ADCY1: variants seen among roughly 807,000 people sequenced by gnomAD.
ADCY1 encodes adenylate cyclase type 1.
A neutral mutation model predicts 105.4 loss-of-function variants in ADCY1; 28 were observed. That is an observed-to-expected ratio of 0.27 (90% CI 0.20 to 0.36). The LOEUF (loss-of-function observed/expected upper bound fraction) is 0.36. ADCY1 is among the 10% of genes least tolerant of loss of function. ADCY1 has a pLI of 1.00. For missense variants in ADCY1, 977 were observed against 1,434.2 expected (o/e 0.68, Z 5.15); for synonymous variants, 655 against 623.8 (o/e 1.05, Z -0.75).
Position 45,704,660 on chromosome 7 carries a change from C to T in ADCY1, c.2817+44C>T, listed in dbSNP as rs775465057. On this transcript the variant is annotated intron_variant, in intron 17 of 19. Coordinates refer to ENST00000297323, the MANE Select transcript of ADCY1 (RefSeq NM_021116.4). ...TGCCTGCTTGGGGACTGGGTCCAAG[C>T]TCTGCCCTAAACTGCTCTGGGACCC... 1.7e-5 allele frequency: 26 copies of T among 1,543,910 alleles called. No individual in the cohort carries two copies. The South Asian group carries it at 2.4e-4, about 14-fold the overall frequency.
chr7:45,662,252 C>G (rs1471214389), intron 8 of ADCY1, 38 bp downstream of exon 8: 2 of 1,594,110 alleles, frequency 1.3e-6, no homozygotes, highest in Admixed American at 3.4e-5. Context: ...CTGGAGCTGC[C>G]AGGGACTGAT....
chr7:45,609,052 G>T (rs550788511), intron 2 of ADCY1, among the ~76,000 whole-genome samples: 1 of 152,340 alleles, frequency 6.6e-6, no homozygotes, highest in African/African-American at 2.4e-5. Context: ...TGCCAAATTT[G>T]TTCTCCCATT....
At chr7:45,640,278 T>C (rs1201853871) in intron 4 of ADCY1, among the ~76,000 whole-genome samples, 1 of 152,130 alleles carries the variant, frequency 6.6e-6, no homozygotes, top group Non-Finnish European at 1.5e-5. Context: ...GCAAGGAGAA[T>C]TGAGCAGCTC....
At chr7:45,614,133 G>A (rs1793667310) in intron 3 of ADCY1, among the ~76,000 whole-genome samples, 1 of 152,146 alleles carries the variant, frequency 6.6e-6, no homozygotes, top group Non-Finnish European at 1.5e-5. Context: ...TACTGTAATT[G>A]TAGTGCATAA....
At position 45,574,611 on chromosome 7, in the gene ADCY1, G is replaced by A. The variant is rs1792267112; in HGVS notation, c.68G>A (p.Arg23Gln). Residue 23 changes from arginine to glutamine, a missense_variant, in exon 1 of 20, where the codon CGG (arginine) becomes CAG (glutamine). This residue lies in a region of ADCY1 where 209 missense variants were observed against 222.5 expected (regional missense o/e 0.94). Coordinates refer to ENST00000297323, the MANE Select transcript of ADCY1 (RefSeq NM_021116.4). This position sits in a 1 kb window ranked among gnomAD's most constrained non-coding sequence, Gnocchi z 7.0. ...GGAGEPGGAE[R>Q]AAGTSRRRGL... ...GCGGGCGAGCCCGGGGGCGCCGAGCGGGCGGCCGGGACAAGCCGCCGGCGC... is the reference window on the plus strand; with the variant it reads ...GCGGGCGAGCCCGGGGGCGCCGAGCAGGCGGCCGGGACAAGCCGCCGGCGC... 1.7e-6 allele frequency: 2 copies of A among 1,151,654 alleles called. No individual in the cohort carries two copies. Among genetic ancestry groups the A allele is most frequent in the African/African-American group, 1.6e-5 (1 of 60,984 alleles). The allele number at this position is 1,151,654 out of a possible 1,614,324, so 71.3% of individuals were successfully genotyped here.
rs1217875676 is a variant in ADCY1, at chr7:45,647,349, G to A, written c.1021-1321G>A. On this transcript the variant is annotated intron_variant, in intron 4 of 19. Coordinates refer to ENST00000297323, the MANE Select transcript of ADCY1 (RefSeq NM_021116.4). The surrounding 1 kb of genome is among the most constrained non-coding windows in gnomAD (Gnocchi z 4.6). ...TTCTCTAAGAATGTGGGGCACAGAT[G>A]AGCACAGGGGTCATGAGAGCTGATG... 6.6e-6 allele frequency among the ~76,000 whole-genome samples: 1 copy of A among 152,234 alleles called. No individual in the cohort carries two copies. Among genetic ancestry groups the A allele is most frequent in the Non-Finnish European group, 1.5e-5 (1 of 68,044 alleles).
In ADCY1 at chr7:45,652,610, T is replaced by C. The variant is rs371153236; in HGVS notation, c.1148+3813T>C. Reference sequence around the variant, plus strand: ...ATTTTCCTTTTCTGATCTGTAAACCTAGGCCTCCCACGCCTAGCATCTAGT... The same window carrying C: ...ATTTTCCTTTTCTGATCTGTAAACCCAGGCCTCCCACGCCTAGCATCTAGT... On this transcript the variant is annotated intron_variant, in intron 5 of 19. Coordinates refer to ENST00000297323, the MANE Select transcript of ADCY1 (RefSeq NM_021116.4). Among the ~76,000 whole-genome samples, 8 of 152,238 alleles carry C rather than the reference T, an allele frequency of 5.3e-5. No homozygotes were observed. In the East Asian group the frequency reaches 5.8e-4, roughly 11 times the overall value.
intron 4 of ADCY1, among the ~76,000 whole-genome samples, chr7:45,623,579 G>A (rs1296084929): frequency 3.3e-5 from 5 of 152,196 alleles, no homozygotes; most frequent in African/African-American, 9.7e-5. Flanking sequence ...GCATGGCATC[G>A]ATATCCTACC....
chr7:45,584,674 C>T (rs1792665543), intron 1 of ADCY1, among the ~76,000 whole-genome samples: 1 of 152,238 alleles, frequency 6.6e-6, no homozygotes, highest in African/African-American at 2.4e-5. Flanking sequence ...CCTGTGCCCC[C>T]CACCTACCAC....
intron 1 of ADCY1, among the ~76,000 whole-genome samples, chr7:45,582,250 TG>T (rs1382676915): frequency 1.3e-5 from 2 of 152,228 alleles, no homozygotes; most frequent in Non-Finnish European, 2.9e-5. Context: ...TCCTGGTCTC[TG>T]AGGGAGGGCA....
chr7:45,609,897 TAAG>T (rs1195878315), intron 2 of ADCY1, among the ~76,000 whole-genome samples: 1 of 152,174 alleles, frequency 6.6e-6, no homozygotes, highest in East Asian at 1.9e-4. Flanking sequence ...AAGGGAGAAG[TAAG>T]AAGACAAAGA....
chr7:45,691,990 C>T (rs1784794069), intron 14 of ADCY1, among the ~76,000 whole-genome samples: 1 of 152,198 alleles, frequency 6.6e-6, no homozygotes, highest in African/African-American at 2.4e-5. Context: ...GCTTGTTAGT[C>T]GTCATCTTGT....
chr7:45,588,864 C>CGT (rs1315374839), intron 1 of ADCY1, among the ~76,000 whole-genome samples: 5 of 142,510 alleles, frequency 3.5e-5, no homozygotes, highest in African/African-American at 1.3e-4. Flanking sequence ...CCCATCATTG[C>CGT]GTGTATGTGT....
At chr7:45,577,887 G>T (rs1375755063) in intron 1 of ADCY1, among the ~76,000 whole-genome samples, 1 of 152,216 alleles carries the variant, frequency 6.6e-6, no homozygotes, top group East Asian at 1.9e-4. Flanking sequence ...TCTTATCAAG[G>T]ATAGCCCTAA....
chr7:45,675,488 C>G (rs1292961515), intron 8 of ADCY1, among the ~76,000 whole-genome samples: 1 of 152,058 alleles, frequency 6.6e-6, no homozygotes, highest in Non-Finnish European at 1.5e-5. Context: ...TGTGATGTTC[C>G]AACATTCCTT....
At chr7:45,691,585 A>C (rs1784787805) in intron 14 of ADCY1, among the ~76,000 whole-genome samples, 1 of 151,568 alleles carries the variant, frequency 6.6e-6, no homozygotes, top group Admixed American at 6.6e-5. Context: ...TCGCCTGTAA[A>C]CTCTTGTATG....
At chr7:45,654,238 T>C (rs940069897) in intron 5 of ADCY1, among the ~76,000 whole-genome samples, 1 of 152,178 alleles carries the variant, frequency 6.6e-6, no homozygotes, top group African/African-American at 2.4e-5. Context: ...GGGGAAGCCT[T>C]GTTCGTCACA....
intron 4 of ADCY1, among the ~76,000 whole-genome samples, chr7:45,646,102 T>G (rs1380610706): frequency 6.6e-6 from 1 of 151,704 alleles, no homozygotes; most frequent in Non-Finnish European, 1.5e-5. Context: ...GTTGGGGACA[T>G]TTGGGGGATG....
intron 11 of ADCY1, among the ~76,000 whole-genome samples, chr7:45,682,606 C>CCCTGG (rs1395951071): frequency 1.3e-5 from 2 of 152,170 alleles, no homozygotes; most frequent in Non-Finnish European, 2.9e-5. Context: ...GCTTCTCCCA[C>CCCTGG]CCTGGCCTGG....
Sources: allele counts gnomAD v4.1 joint callset (sites outside exome capture counted in the v4.1 genomes callset), GRCh38; gene constraint gnomAD v4.1.1; regional missense constraint gnomAD v4.1.1; non-coding constraint Gnocchi (gnomAD v3.1); transcripts MANE v1.5; gene names NCBI Gene and HGNC (gene_info 2026-07-23, HGNC 2026-07-21).